The following KIAA0232 variants were observed in gnomAD, a reference collection of about 807,000 sequenced individuals.
KIAA0232 encodes the protein KIAA0232, also known as uncharacterized protein KIAA0232.
In KIAA0232, 27 loss-of-function variants were observed where a neutral mutation model predicts 122.0. The ratio of observed to expected loss-of-function variants is 0.22; its 90% CI spans 0.16 to 0.31. KIAA0232 has a LOEUF of 0.31. KIAA0232 is among the 10% of genes least tolerant of loss of function. The pLI is 1.00. For synonymous variants in KIAA0232, 613 were observed against 587.6 expected, an observed-to-expected ratio of 1.04 and a Z score of -0.63; for missense variants, 1,551 against 1,634.2, an observed-to-expected ratio of 0.95 and a Z score of 0.88.
Position 6,861,920 on chromosome 4 carries a change from A to C in KIAA0232, c.1538A>C (p.Asp513Ala). The change falls in exon 7 of 10, where the codon GAT becomes GCT. Residue 513 changes from aspartate to alanine, a missense_variant. Around this residue, in one of 5 missense-constraint regions of KIAA0232, gnomAD observed 1,108 missense variants for 1,154.8 expected, o/e 0.96. Transcript: ENST00000307659. The stretch of plus-strand genomic sequence containing the variant: ...GAATTAACGCACTTCTATGAAGTGG[A>C]TATTGATCAATCCATGTTGGATCCT... ...LSELTHFYEVDIDQSMLDPGA... is the reference protein window; with the variant it reads ...LSELTHFYEVAIDQSMLDPGA... 1 of 1,613,986 alleles carries C rather than the reference A, an allele frequency of 6.2e-7. No individual in the cohort carries two copies. Among genetic ancestry groups the C allele is most frequent in the Non-Finnish European group, 8.5e-7 (1 of 1,179,870 alleles).
At chr4:6,804,321 C>T (rs1416400360) in intron 1 of KIAA0232, among the ~76,000 whole-genome samples, 2 of 152,236 alleles carry the variant, frequency 1.3e-5, no homozygotes, top group African/African-American at 2.4e-5. Flanking sequence ...GTGCCCTACT[C>T]TGCCATCCTC....
intron 1 of KIAA0232, among the ~76,000 whole-genome samples, chr4:6,800,660 G>A (rs191327228): frequency 1.4e-3 from 215 of 151,356 alleles, no homozygotes; most frequent in Admixed American, 2.6e-3. Flanking sequence ...CAGCCTGGGC[G>A]ACAGAGGGAA....
intron 8 of KIAA0232, among the ~76,000 whole-genome samples, chr4:6,873,363 G>C (rs1380089539): frequency 6.6e-6 from 1 of 152,236 alleles, no homozygotes; most frequent in African/African-American, 2.4e-5. Flanking sequence ...AGGACACACA[G>C]AGCTTCCCTT....
intron 1 of KIAA0232, among the ~76,000 whole-genome samples, chr4:6,803,586 A>C (rs143306247): frequency 2.0e-5 from 3 of 152,322 alleles, no homozygotes; most frequent in African/African-American, 7.2e-5. Context: ...AGAGTTGTCT[A>C]ATTTCATATT....
chr4:6,833,379 G>A (rs940795580), intron 3 of KIAA0232, among the ~76,000 whole-genome samples: 5 of 152,128 alleles, frequency 3.3e-5, no homozygotes, highest in South Asian at 2.1e-4. Flanking sequence ...CCCTATCCCT[G>A]AAAACTTCCT....
intron 2 of KIAA0232, among the ~76,000 whole-genome samples, chr4:6,821,631 C>T (rs935292692): frequency 6.0e-5 from 9 of 149,432 alleles, no homozygotes; most frequent in African/African-American, 2.0e-4. Flanking sequence ...TATATATATA[C>T]GTGTATATAG....
intron 4 of KIAA0232, among the ~76,000 whole-genome samples, chr4:6,851,247 A>T (rs1466886511): frequency 6.6e-6 from 1 of 152,222 alleles, no homozygotes; most frequent in Non-Finnish European, 1.5e-5. Context: ...ATTCTTCTTA[A>T]TTGAACCATG....
At chr4:6,813,652 G>A (rs944857578) in intron 2 of KIAA0232, among the ~76,000 whole-genome samples, 13 of 152,040 alleles carry the variant, frequency 8.6e-5, no homozygotes, top group South Asian at 4.2e-4. Flanking sequence ...GTGAGCCACC[G>A]CGCCTGGCCA....
At chr4:6,790,160 C>A (rs748064998) in intron 1 of KIAA0232, among the ~76,000 whole-genome samples, 14 of 152,120 alleles carry the variant, frequency 9.2e-5, no homozygotes, top group Admixed American at 6.5e-5. Flanking sequence ...GAAACTTCCT[C>A]TTTGGTATTT....
chr4:6,833,193 G>A (rs1447811668), intron 3 of KIAA0232, among the ~76,000 whole-genome samples: 1 of 152,210 alleles, frequency 6.6e-6, no homozygotes, highest in Non-Finnish European at 1.5e-5. Flanking sequence ...CTCCTCGTGT[G>A]TGTCACTGCA....
At chr4:6,856,272 G>A (rs145995211) in intron 4 of KIAA0232, among the ~76,000 whole-genome samples, 93 of 152,248 alleles carry the variant, frequency 6.1e-4, no homozygotes, top group Non-Finnish European at 1.1e-3. Context: ...ATCTGTTTGG[G>A]TTATGCCCAC....
Position 6,837,081 on chromosome 4 carries a change from C to T in KIAA0232, c.232-4986C>T, listed in dbSNP as rs190550194. Among the ~76,000 whole-genome samples, 446 of 152,296 alleles carry T rather than the reference C, an allele frequency of 2.9e-3. 3 individuals are homozygous for T. The highest frequency in any genetic ancestry group is 0.01 in the African/African-American group (420 of 41,560). ...TGGGTACACCTCCCAGACGGGGTGG[C>T]GGCCGGGCAGAGGGGCCCCCACCTC... On this transcript the variant is annotated intron_variant, in intron 3 of 9. Transcript: ENST00000307659.
intron 2 of KIAA0232, among the ~76,000 whole-genome samples, chr4:6,814,804 G>T (rs893524359): frequency 1.3e-5 from 2 of 152,062 alleles, no homozygotes; most frequent in Non-Finnish European, 2.9e-5. Context: ...TCCTACCTCC[G>T]TGAATTAAAG....
intron 4 of KIAA0232, among the ~76,000 whole-genome samples, chr4:6,846,522 G>C (rs978474652): frequency 6.6e-6 from 1 of 151,996 alleles, no homozygotes; most frequent in Non-Finnish European, 1.5e-5. Context: ...AATGTCTGAG[G>C]TGGAAGTTTC....
chr4:6,857,843 C>A (rs1720642792), intron 5 of KIAA0232, among the ~76,000 whole-genome samples: 1 of 152,198 alleles, frequency 6.6e-6, no homozygotes, highest in South Asian at 2.1e-4. Flanking sequence ...TCCTTGCCCT[C>A]TTTATGGTCA....
At chr4:6,858,712 T>A (rs1318616367) in intron 6 of KIAA0232, among the ~76,000 whole-genome samples, 3 of 152,256 alleles carry the variant, frequency 2.0e-5, no homozygotes, top group Non-Finnish European at 4.4e-5. Context: ...TATTCAATAT[T>A]TGTGGAACAA....
At chr4:6,871,743 A>C in intron 8 of KIAA0232, 61 bp downstream of exon 8, 2 of 1,069,314 alleles carry the variant, frequency 1.9e-6, no homozygotes, top group Admixed American at 3.8e-5. Context: ...AAGAGCAATA[A>C]TTTCTTTTTC....
At position 6,869,299 on chromosome 4, in the gene KIAA0232, T is replaced by A. The variant is rs112289924; in HGVS notation, c.3802-2275T>A. Among the ~76,000 whole-genome samples, 614 of 152,352 alleles carry A rather than the reference T, an allele frequency of 4.0e-3. 3 individuals carry two copies. The highest frequency in any genetic ancestry group is 0.014 in the African/African-American group (571 of 41,578). ...TCATTCCTGCAAAGAGCTTTTTCTT[T>A]CTCAAATAAGAACCTGTTAACCTCT... On this transcript the variant is annotated intron_variant, in intron 7 of 9. Coordinates refer to ENST00000307659, the MANE Select transcript of KIAA0232 (RefSeq NM_014743.3).
chr4:6,863,666 C>T lies in KIAA0232; in HGVS notation c.3284C>T (p.Thr1095Ile). 6.2e-7 allele frequency: 1 copy of T among 1,614,178 alleles called. No individual in the cohort carries two copies. Among genetic ancestry groups the T allele is most frequent in the Non-Finnish European group, 8.5e-7 (1 of 1,180,036 alleles). Residue 1095 changes from threonine (T) to isoleucine (I), a missense_variant, in exon 7 of 10, where the codon ACA becomes ATA. Thr to Ile is a moderately conservative substitution (Grantham distance 89). Around this residue, in one of 5 missense-constraint regions of KIAA0232, gnomAD observed 1,108 missense variants for 1,154.8 expected, o/e 0.96. Transcript: ENST00000307659. ...FHPRICGVDR[T>I]QYRAIRISPR... ...CCCAGGATATGTGGTGTTGACAGAA[C>T]ACAATACAGGGCTATTCGGATCTCT...
Sources: gnomAD v4.1 joint callset for allele counts (sites outside exome capture counted in the v4.1 genomes callset) on GRCh38, gnomAD v4.1.1 for gene constraint, gnomAD v4.1.1 regional missense constraint, MANE v1.5 for transcripts, NCBI Gene and HGNC (gene_info 2026-07-23, HGNC 2026-07-21) for gene names.